Variants in THAP10 observed in about 807,000 individuals in gnomAD.
The protein encoded by THAP10 is THAP domain-containing protein 10.
In THAP10, 10 loss-of-function variants were observed where a neutral mutation model predicts 15.7. The observed-to-expected ratio is 0.64, with a 90% CI of 0.39 to 1.08. The LOEUF is 1.08. Among genes scored for constraint, THAP10 ranks in the 50% least tolerant of loss-of-function variants. The pLI is 0.01. For synonymous variants in THAP10, 127 were observed against 129.1 expected (o/e 0.98, Z 0.11); for missense variants, 310 against 330.9 (o/e 0.94, Z 0.49).
intron 1 of THAP10, among the ~76,000 whole-genome samples, chr15:70,887,485 T>C (rs2033441197): frequency 6.6e-6 from 1 of 152,178 alleles, no homozygotes; most frequent in African/African-American, 2.4e-5. Context: ...CCAATCAATA[T>C]AATTTACTAT....
rs1011105873 is a variant in THAP10 at position 70,882,780 on chromosome 15, C to T, written c.558G>A (p.Arg186=). The stretch of plus-strand genomic sequence containing the variant: ...ACATACCCACACTACGGTGACGGGG[C>T]CTTTTCAAAGAAATTTGTGTACTTT... ...VHKSTQISLK[R]PRHRSVGIQA... The change falls in exon 2 of 3, where the codon AGG becomes AGA. Residue 186 remains arginine (R), a synonymous_variant. Coordinates refer to ENST00000249861, the MANE Select transcript of THAP10 (RefSeq NM_020147.4). 6.2e-7 allele frequency: 1 copy of T among 1,614,134 alleles called. No individual in the cohort carries two copies. Among genetic ancestry groups the T allele is most frequent in the African/African-American group, 1.3e-5 (1 of 75,048 alleles).
Position 70,892,193 on chromosome 15 carries a change from C to A in THAP10, c.80G>T (p.Arg27Leu), listed in dbSNP as rs778832134. The change falls in exon 1 of 3, where the codon CGG becomes CTG. Residue 27 changes from arginine to leucine, a missense_variant. Physicochemically the swap from Arg to Leu is moderately radical, Grantham distance 102. Transcript: ENST00000249861. ...GCGGTCCCAGAGCAGCCGCACGGCC[C>A]GGTCCTTGGGAAAGCGGAACAGCGA... ...GKSLFRFPKD[R>L]AVRLLWDRFV... The A allele has an allele frequency of 6.2e-7, 1 of 1,608,190 alleles. No individual in the cohort carries two copies. Among genetic ancestry groups the A allele is most frequent in the Middle Eastern group, 1.7e-4 (1 of 6,044 alleles).
At chr15:70,886,908 T>C (rs146736136) in intron 1 of THAP10, among the ~76,000 whole-genome samples, 3 of 151,506 alleles carry the variant, frequency 2.0e-5, no homozygotes, top group Non-Finnish European at 4.4e-5. Context: ...GTGAAGCTGA[T>C]CAAGAAAAAA....
At chr15:70,884,120 T>C (rs1345363323) in intron 1 of THAP10, among the ~76,000 whole-genome samples, 1 of 151,808 alleles carries the variant, frequency 6.6e-6, no homozygotes. Flanking sequence ...AGAAAGTAAG[T>C]GATAGAGAAA....
Position 70,882,513 on chromosome 15 carries a change from T to C in THAP10, c.715A>G (p.Lys239Glu). Residue 239 changes from lysine to glutamate, a missense_variant, in exon 3 of 3, where the codon AAG (lysine) becomes GAG (glutamate). Physicochemically the swap from Lys to Glu is moderately conservative, Grantham distance 56. Transcript: ENST00000249861. ...DSETDTDWDI[K>E]SEQSDLSYMA... ...TAAGACAAATCACTCTGTTCACTCTTGATATCCCAGTCTGTATCTGTTTCT... is the reference window on the plus strand; with the variant it reads ...TAAGACAAATCACTCTGTTCACTCTCGATATCCCAGTCTGTATCTGTTTCT... 6.2e-7 allele frequency: 1 copy of C among 1,613,978 alleles called. No individual in the cohort carries two copies. Among genetic ancestry groups the C allele is most frequent in the Non-Finnish European group, 8.5e-7 (1 of 1,179,954 alleles).
rs958141286 is a variant in THAP10, at chr15:70,881,708, G to A, written c.*746C>T. ...AAAAAATACCTAACACCTGCAATGG[G>A]AATACGTTAGAAATGTAGTACTTTT... On this transcript the variant is annotated 3_prime_UTR_variant, in exon 3 of 3. Transcript: ENST00000249861. 19 of 152,104 alleles carry A rather than the reference G, an allele frequency of 1.2e-4. No homozygotes were observed. The highest frequency in any genetic ancestry group is 3.6e-4 in the African/African-American group (15 of 41,418). 9.4% of individuals were successfully genotyped at this position (152,104 alleles called of 1,614,324 possible).
Position 70,891,999 on chromosome 15 carries a change from C to G in THAP10, c.274G>C (p.Val92Leu), listed in dbSNP as rs371439870. The change falls in exon 1 of 3, where the codon GTG becomes CTG. Residue 92 changes from valine to leucine, a missense_variant. Physicochemically the swap from Val to Leu is conservative, Grantham distance 32. Transcript: ENST00000249861. Reference sequence around the variant, plus strand: ...CCCCTCTTAGGTGCCGGGGCGGGCACCCGGTGCAGGGTGGGCACGGCGCCT... The same window carrying G: ...CCCCTCTTAGGTGCCGGGGCGGGCAGCCGGTGCAGGGTGGGCACGGCGCCT... The part of the protein sequence containing the change: ...VAGAVPTLHR[V>L]PAPAPKRGEE... 2.5e-6 allele frequency: 4 copies of G among 1,613,072 alleles called. No homozygotes were observed. The highest frequency in any genetic ancestry group is 1.1e-5 in the South Asian group (1 of 90,914).
At position 70,884,035 on chromosome 15, in the gene THAP10, A is replaced by G. The variant is rs368599715; in HGVS notation, c.430-1127T>C. Among the ~76,000 whole-genome samples the G allele has an allele frequency of 1.7e-4, 26 of 152,270 alleles. No homozygotes were observed. The East Asian group carries it at 2.9e-3, about 17-fold the overall frequency. ...GTTTTGATATGTAAAAGGTAATATA[A>G]GACAGGGTACCTAGAGATTATGTGG... On this transcript the variant is annotated intron_variant, in intron 1 of 2. Transcript: ENST00000249861.
In THAP10 at chr15:70,881,791, A is replaced by G. The variant is rs1291317777; in HGVS notation, c.*663T>C. The G allele has an allele frequency of 6.6e-6, 1 of 152,226 alleles. No homozygotes were observed. The highest frequency in any genetic ancestry group is 1.5e-5 in the Non-Finnish European group (1 of 68,030). The allele number at this position is 152,226 out of a possible 1,614,324, so 9.4% of individuals were successfully genotyped here. A position where few individuals can be genotyped will look rare whatever the true frequency, so the allele number is the denominator to read the frequency against. ...TTAATCAAGCTAATTAATGTGTCGCAGTAAGCACTGATGCAAACAGATTTC... is the reference window on the plus strand; with the variant it reads ...TTAATCAAGCTAATTAATGTGTCGCGGTAAGCACTGATGCAAACAGATTTC... On this transcript the variant is annotated 3_prime_UTR_variant, in exon 3 of 3. Transcript: ENST00000249861.
intron 1 of THAP10, among the ~76,000 whole-genome samples, chr15:70,890,967 A>G (rs1463911511): frequency 1.3e-5 from 2 of 152,198 alleles, no homozygotes; most frequent in Non-Finnish European, 2.9e-5. Context: ...AATAATTGCA[A>G]GATGCCATTA....
intron 1 of THAP10, among the ~76,000 whole-genome samples, chr15:70,891,335 T>C (rs1217573838): frequency 6.6e-6 from 1 of 152,084 alleles, no homozygotes; most frequent in Non-Finnish European, 1.5e-5. Context: ...TAAAGGAAGC[T>C]TGGGGTGGGA....
chr15:70,892,125 G>GACCGCT lies in THAP10; in HGVS notation c.147_148insAGCGGT (p.Asp49_Arg50insSerGly). On this transcript the variant is annotated inframe_insertion, in exon 1 of 3. Coordinates refer to ENST00000249861, the MANE Select transcript of THAP10 (RefSeq NM_020147.4). ...AAGTGGTCAGAGCAGATGACCGAGC[G>GACCGCT]GTCATTGCCTCCGTACCAGTCGGCG... 1 of 1,613,858 alleles carries GACCGCT rather than the reference G, an allele frequency of 6.2e-7. No homozygotes were observed.
At chr15:70,882,704 C>A in intron 2 of THAP10, 54 bp from the exon 3 acceptor site, 1 of 1,610,382 alleles carries the variant, frequency 6.2e-7, no homozygotes. Context: ...TTTCATATAT[C>A]TTTAATATAC....
chr15:70,886,068 T>C (rs2033399254), intron 1 of THAP10, among the ~76,000 whole-genome samples: 1 of 152,152 alleles, frequency 6.6e-6, no homozygotes, highest in South Asian at 2.1e-4. Flanking sequence ...AAAAATATAC[T>C]TCTAATTAAC....
chr15:70,884,558 A>T (rs960627085), intron 1 of THAP10, among the ~76,000 whole-genome samples: 11 of 152,132 alleles, frequency 7.2e-5, no homozygotes, highest in Admixed American at 2.0e-4. Context: ...AAAAAAAAGA[A>T]AGAAACTTTG....
At chr15:70,891,062 G>T (rs2033545478) in intron 1 of THAP10, among the ~76,000 whole-genome samples, 1 of 152,192 alleles carries the variant, frequency 6.6e-6, no homozygotes, top group Non-Finnish European at 1.5e-5. Context: ...CCTAAGTAAG[G>T]ATTACAGACC....
rs1491474980 is a variant in THAP10, at chr15:70,891,565, C to CTGTG, written c.429+278_429+279insCACA. ...CAACTCACTACTCTGCAGGACAAGA[C>CTGTG]TCTGTGTGTGTGTGTGTGTGTGTGT... On this transcript the variant is annotated intron_variant, in intron 1 of 2. Transcript: ENST00000249861. Among the ~76,000 whole-genome samples, 35 of 118,950 alleles carry CTGTG rather than the reference C, an allele frequency of 2.9e-4. 1 individual carries two copies. The highest frequency in any genetic ancestry group is 6.0e-4 in the South Asian group (2 of 3,350). 78.0% of individuals were successfully genotyped at this position (118,950 alleles called of 152,430 possible). A position where few individuals can be genotyped will look rare whatever the true frequency, so the allele number is the denominator to read the frequency against.
intron 1 of THAP10, among the ~76,000 whole-genome samples, chr15:70,884,109 G>C (rs2033340290): frequency 6.6e-6 from 1 of 152,260 alleles, no homozygotes; most frequent in African/African-American, 2.4e-5. Flanking sequence ...CCTGGGAGGA[G>C]AGAAAGTAAG....
chr15:70,883,783 T>C (rs1343735017), intron 1 of THAP10, among the ~76,000 whole-genome samples: 1 of 151,786 alleles, frequency 6.6e-6, no homozygotes, highest in African/African-American at 2.4e-5. Flanking sequence ...GCCTCCCAAG[T>C]AGCTGGGATT....
Sources: gnomAD v4.1 joint callset for allele counts (sites outside exome capture counted in the v4.1 genomes callset) on GRCh38, gnomAD v4.1.1 for gene constraint, MANE v1.5 for transcripts, NCBI Gene and HGNC (gene_info 2026-07-23, HGNC 2026-07-21) for gene names.